EBF1: variants seen among roughly 807,000 people sequenced by gnomAD.
The protein encoded by EBF1 is EBF transcription factor 1.
In EBF1, 10 loss-of-function variants were observed where a neutral mutation model predicts 68.4. The observed-to-expected ratio is 0.15, with a 90% confidence interval of 0.09 to 0.25. The LOEUF (loss-of-function observed/expected upper bound fraction) is 0.25. Among genes scored for constraint, EBF1 ranks in the 10% least tolerant of loss-of-function variants. The probability of loss-of-function intolerance (pLI) is 1.00; values close to 1 mark genes in which losing one functional copy is unlikely to be tolerated. For synonymous variants in EBF1, 298 were observed against 299.8 expected (o/e 0.99, Z 0.06); for missense variants, 509 against 794.4 (o/e 0.64, Z 4.32).
At chr5:158,734,627 T>A (rs1186141829) in intron 10 of EBF1, among the ~76,000 whole-genome samples, 1 of 152,082 alleles carries the variant, frequency 6.6e-6, no homozygotes, top group Non-Finnish European at 1.5e-5. Flanking sequence ...CAAAGTGACC[T>A]CATTGTACCC....
chr5:159,037,902 C>G (rs1289004660), intron 6 of EBF1, among the ~76,000 whole-genome samples: 1 of 152,166 alleles, frequency 6.6e-6, no homozygotes, highest in East Asian at 1.9e-4. Flanking sequence ...ATCAGCCATC[C>G]TCTGATCTCC....
At chr5:159,085,778 G>GTA (rs1478096971) in intron 4 of EBF1, among the ~76,000 whole-genome samples, 1 of 151,938 alleles carries the variant, frequency 6.6e-6, no homozygotes, top group Non-Finnish European at 1.5e-5. Flanking sequence ...TCTTAATATA[G>GTA]TATATATATC....
chr5:158,904,607 G>A (rs1218194137), intron 6 of EBF1, among the ~76,000 whole-genome samples: 2 of 152,136 alleles, frequency 1.3e-5, no homozygotes, highest in Non-Finnish European at 2.9e-5. Flanking sequence ...TATTAGTTGG[G>A]AACCGAAATT....
At chr5:158,972,592 C>G (rs1377547265) in intron 6 of EBF1, among the ~76,000 whole-genome samples, 1 of 152,214 alleles carries the variant, frequency 6.6e-6, no homozygotes, top group East Asian at 1.9e-4. Context: ...GGAAACGCTT[C>G]CCTTTAGTTT....
intron 6 of EBF1, among the ~76,000 whole-genome samples, chr5:158,958,454 A>T (rs1299361378): frequency 1.3e-5 from 2 of 151,746 alleles, no homozygotes; most frequent in African/African-American, 4.8e-5. Flanking sequence ...AGTTCAGTTC[A>T]CCTCTCATTT....
intron 6 of EBF1, among the ~76,000 whole-genome samples, chr5:158,884,089 A>G (rs1297091119): frequency 6.6e-6 from 1 of 152,194 alleles, no homozygotes; most frequent in East Asian, 1.9e-4. Context: ...TTTCTGGCAC[A>G]ATACTATTAT....
chr5:158,839,867 T>C (rs1165277125), intron 7 of EBF1, among the ~76,000 whole-genome samples, 162 bp downstream of exon 7: 4 of 152,190 alleles, frequency 2.6e-5, no homozygotes, highest in African/African-American at 9.7e-5. Context: ...CACTCTTCTC[T>C]AATCTAAACA....
chr5:159,001,741 T>C (rs1762584211), intron 6 of EBF1, among the ~76,000 whole-genome samples: 1 of 152,216 alleles, frequency 6.6e-6, no homozygotes, highest in Non-Finnish European at 1.5e-5. Context: ...TCAGGGGCTA[T>C]AGGACCACAT....
chr5:158,847,329 A>G (rs1024122089), intron 6 of EBF1, among the ~76,000 whole-genome samples: 2 of 152,248 alleles, frequency 1.3e-5, no homozygotes, highest in Admixed American at 6.5e-5. Flanking sequence ...TCCTCATACT[A>G]GAAGTCAAAT....
chr5:158,739,361 G>A (rs1197733956), intron 10 of EBF1, among the ~76,000 whole-genome samples: 1 of 152,188 alleles, frequency 6.6e-6, no homozygotes, highest in African/African-American at 2.4e-5. Context: ...GATGAGAAAA[G>A]CTGCCCCTGT....
intron 6 of EBF1, among the ~76,000 whole-genome samples, chr5:158,959,859 A>G (rs1378378021): frequency 6.6e-6 from 1 of 152,216 alleles, no homozygotes; most frequent in African/African-American, 2.4e-5. Context: ...AAAACACATT[A>G]TACAGCCATA....
intron 14 of EBF1, among the ~76,000 whole-genome samples, chr5:158,710,936 C>T (rs1364524831): frequency 6.6e-6 from 1 of 152,152 alleles, no homozygotes; most frequent in African/African-American, 2.4e-5. Flanking sequence ...ACTTCAAAGT[C>T]AGAGCGAGAT....
intron 10 of EBF1, among the ~76,000 whole-genome samples, chr5:158,769,294 T>A (rs1773409232): frequency 6.6e-6 from 1 of 152,144 alleles, no homozygotes; most frequent in Admixed American, 6.5e-5. Context: ...TTCTGTGATT[T>A]ATCTCTCTCC....
intron 10 of EBF1, among the ~76,000 whole-genome samples, chr5:158,765,979 T>C (rs536491113): frequency 9.2e-5 from 14 of 152,322 alleles, no homozygotes; most frequent in African/African-American, 2.2e-4. Context: ...AAAAAAGTTA[T>C]CTCATTAAAT....
At chr5:158,764,692 G>A (rs993101488) in intron 10 of EBF1, among the ~76,000 whole-genome samples, 1 of 152,138 alleles carries the variant, frequency 6.6e-6, no homozygotes, top group African/African-American at 2.4e-5. Context: ...TGCTGGGGAG[G>A]CAGCTTGAGG....
intron 9 of EBF1, among the ~76,000 whole-genome samples, chr5:158,782,593 C>T (rs911767282): frequency 1.2e-4 from 18 of 151,968 alleles, no homozygotes; most frequent in African/African-American, 3.9e-4. Flanking sequence ...CCCAGGAAGT[C>T]GAGGTTGCAG....
intron 6 of EBF1, among the ~76,000 whole-genome samples, chr5:158,937,373 A>G (rs1231991925): frequency 6.6e-6 from 1 of 152,200 alleles, no homozygotes; most frequent in African/African-American, 2.4e-5. Context: ...CAAATTGGAC[A>G]GAAATCAAAG....
At chr5:158,982,322 A>C (rs1221579239) in intron 6 of EBF1, among the ~76,000 whole-genome samples, 1 of 152,250 alleles carries the variant, frequency 6.6e-6, no homozygotes, top group East Asian at 1.9e-4. Context: ...GCTCAATCAA[A>C]GGTGCAGATT....
chr5:159,036,205 T>C (rs1175319891), intron 6 of EBF1, among the ~76,000 whole-genome samples: 1 of 152,216 alleles, frequency 6.6e-6, no homozygotes, highest in Non-Finnish European at 1.5e-5. Context: ...CACTTTTAGA[T>C]ACCTTGCTTC....
Sources: allele counts gnomAD v4.1 joint callset (sites outside exome capture counted in the v4.1 genomes callset), GRCh38; gene constraint gnomAD v4.1.1; transcripts MANE v1.5; gene names NCBI Gene and HGNC (gene_info 2026-07-23, HGNC 2026-07-21).